Variants in LRP1B observed in about 807,000 individuals in gnomAD.
LRP1B encodes LDL receptor related protein 1B, also known as low-density lipoprotein receptor-related protein 1B.
A neutral mutation model predicts 556.6 loss-of-function variants in LRP1B; 217 were observed. The observed-to-expected ratio is 0.39, with a 90% confidence interval of 0.35 to 0.44. LRP1B has a LOEUF of 0.44. Ranked by LOEUF, LRP1B falls within the 20% of genes least tolerant of loss-of-function variation. The probability of loss-of-function intolerance (pLI) is 1.00; values close to 1 mark genes in which losing one functional copy is unlikely to be tolerated. For missense variants in LRP1B, 5,053 were observed against 5,620.8 expected (o/e 0.90, Z 3.23); for synonymous variants, 2,047 against 1,865.8 (o/e 1.10, Z -2.50).
intron 1 of LRP1B, among the ~76,000 whole-genome samples, chr2:141,944,799 G>T (rs1018887718): frequency 2.0e-5 from 3 of 152,148 alleles, no homozygotes; most frequent in African/African-American, 4.8e-5. Context: ...TGGCATCTTT[G>T]TGGTTTTGAA....
At chr2:141,264,646 G>C (rs1684820404) in intron 3 of LRP1B, among the ~76,000 whole-genome samples, 1 of 152,058 alleles carries the variant, frequency 6.6e-6, no homozygotes, top group Admixed American at 6.6e-5. Flanking sequence ...GTAGAGATGG[G>C]GTTTCACCAT....
intron 2 of LRP1B, among the ~76,000 whole-genome samples, chr2:141,703,111 A>T (rs1166863847): frequency 6.6e-6 from 1 of 151,960 alleles, no homozygotes; most frequent in Non-Finnish European, 1.5e-5. Context: ...ATGTCCCCTA[A>T]CAAGTACAAT....
At chr2:141,216,807 T>G (rs150939728) in intron 6 of LRP1B, among the ~76,000 whole-genome samples, 1 of 152,324 alleles carries the variant, frequency 6.6e-6, no homozygotes, top group East Asian at 1.9e-4. Context: ...TTTGGTCAGT[T>G]TCTGTTTTAC....
At chr2:140,795,879 T>C (rs1173219110) in intron 32 of LRP1B, among the ~76,000 whole-genome samples, 1 of 152,112 alleles carries the variant, frequency 6.6e-6, no homozygotes, top group Non-Finnish European at 1.5e-5. Context: ...TTCAGTTATC[T>C]TGATTTATTC....
chr2:141,220,945 T>G (rs1267579252), intron 6 of LRP1B, among the ~76,000 whole-genome samples: 1 of 151,948 alleles, frequency 6.6e-6, no homozygotes, highest in East Asian at 1.9e-4. Context: ...AAAGAAAAGT[T>G]CATTACCAGC....
At chr2:141,974,078 C>T (rs1160613409) in intron 1 of LRP1B, among the ~76,000 whole-genome samples, 1 of 151,838 alleles carries the variant, frequency 6.6e-6, no homozygotes, top group Admixed American at 6.6e-5. Context: ...AGAGCCCATC[C>T]CATAGACAGT....
chr2:141,909,828 T>C (rs1041496155), intron 1 of LRP1B, among the ~76,000 whole-genome samples: 2 of 152,060 alleles, frequency 1.3e-5, no homozygotes, highest in African/African-American at 2.4e-5. Context: ...GTCATATACA[T>C]AGTAGACACT....
intron 59 of LRP1B, among the ~76,000 whole-genome samples, chr2:140,480,540 A>C (rs1168906475): frequency 1.3e-5 from 2 of 152,028 alleles, no homozygotes; most frequent in African/African-American, 4.8e-5. Flanking sequence ...TCCCTGGTTC[A>C]AGCAATTCTC....
intron 35 of LRP1B, among the ~76,000 whole-genome samples, chr2:140,763,323 C>T (rs1688994692): frequency 6.6e-6 from 1 of 151,802 alleles, no homozygotes; most frequent in Admixed American, 6.6e-5. Flanking sequence ...ACATTCAATT[C>T]TGAATGTACC....
At chr2:141,893,391 G>T (rs1699348585) in intron 1 of LRP1B, among the ~76,000 whole-genome samples, 1 of 152,088 alleles carries the variant, frequency 6.6e-6, no homozygotes, top group South Asian at 2.1e-4. Flanking sequence ...AGTAGAGCCG[G>T]AGTTTTACCA....
At chr2:142,071,744 C>A (rs1033902415) in intron 1 of LRP1B, among the ~76,000 whole-genome samples, 29 of 151,938 alleles carry the variant, frequency 1.9e-4, no homozygotes, top group African/African-American at 7.0e-4. Flanking sequence ...AGGCTCCCTT[C>A]TCTTCTTTCT....
At chr2:142,113,488 C>CA (rs34361933) in intron 1 of LRP1B, among the ~76,000 whole-genome samples, 7,260 of 146,550 alleles carry the variant, frequency 0.05, 246 homozygotes, top group Non-Finnish European at 0.059. Context: ...ACAGTTGCCA[C>CA]AAAAAAAAAA....
At chr2:141,817,150 C>G (rs935483143) in intron 1 of LRP1B, among the ~76,000 whole-genome samples, 1 of 152,030 alleles carries the variant, frequency 6.6e-6, no homozygotes, top group Non-Finnish European at 1.5e-5. Flanking sequence ...TTCATTTATC[C>G]TATTTAATGC....
At chr2:142,020,052 G>T (rs1256524772) in intron 1 of LRP1B, among the ~76,000 whole-genome samples, 1 of 152,028 alleles carries the variant, frequency 6.6e-6, no homozygotes, top group Non-Finnish European at 1.5e-5. Context: ...CATCACATTA[G>T]AATGTAATCT....
intron 84 of LRP1B, among the ~76,000 whole-genome samples, chr2:140,291,546 T>C (rs1381129936): frequency 6.6e-6 from 1 of 151,638 alleles, no homozygotes; most frequent in African/African-American, 2.4e-5. Flanking sequence ...CACCCATGAC[T>C]GAGAACATGC....
At position 141,188,530 on chromosome 2, in the gene LRP1B, G is replaced by T. The variant is rs749502350; in HGVS notation, c.904C>A (p.His302Asn). 6.2e-7 allele frequency: 1 copy of T among 1,612,688 alleles called. No homozygotes were observed. The highest frequency in any genetic ancestry group is 8.5e-7 in the Non-Finnish European group (1 of 1,179,212). The change falls in exon 7 of 91, where the codon CAT becomes AAT. Residue 302 changes from histidine to asparagine, a missense_variant. This residue lies in a region of LRP1B where 3,619 missense variants were observed against 3,931.9 expected (regional missense o/e 0.92). Coordinates refer to ENST00000389484, the MANE Select transcript of LRP1B (RefSeq NM_018557.3). ...WLTRNLYFVD[H>N]VGDRIFVCNS... Reference sequence around the variant, plus strand: ...CAAACAAAGATCCGGTCACCGACATGGTCCACAAAATAGAGATTTCGAGTG... The same window carrying T: ...CAAACAAAGATCCGGTCACCGACATTGTCCACAAAATAGAGATTTCGAGTG...
rs569171280 is a variant in LRP1B, at chr2:141,131,004, T to A, written c.1013+57417A>T. ...ACACATGGACACAGGGAGGGGAACA[T>A]CACACAGGGCATATACCTAACACAT... On this transcript the variant is annotated intron_variant, in intron 7 of 90. Coordinates refer to ENST00000389484, the MANE Select transcript of LRP1B (RefSeq NM_018557.3). Among the ~76,000 whole-genome samples the A allele has an allele frequency of 1.1e-3, 160 of 152,084 alleles. 1 individual carries two copies. Among genetic ancestry groups the A allele is most frequent in the African/African-American group, 3.1e-3 (127 of 41,492 alleles).
intron 1 of LRP1B, among the ~76,000 whole-genome samples, chr2:141,866,162 C>T (rs1698408333): frequency 6.6e-6 from 1 of 152,144 alleles, no homozygotes; most frequent in African/African-American, 2.4e-5. Flanking sequence ...TCCAGATATG[C>T]TTACTTTTAT....
At chr2:140,728,076 T>C (rs1687655126) in intron 35 of LRP1B, among the ~76,000 whole-genome samples, 1 of 152,154 alleles carries the variant, frequency 6.6e-6, no homozygotes, top group Non-Finnish European at 1.5e-5. Context: ...TCTTTTAAAT[T>C]ACTATTTTAT....
Sources: allele counts gnomAD v4.1 joint callset (sites outside exome capture counted in the v4.1 genomes callset), GRCh38; gene constraint gnomAD v4.1.1; regional missense constraint gnomAD v4.1.1; transcripts MANE v1.5; gene names NCBI Gene and HGNC (gene_info 2026-07-23, HGNC 2026-07-21).